Variants in CDH13 observed in about 807,000 individuals in gnomAD.
The protein encoded by CDH13 is cadherin 13.
In CDH13, 24 loss-of-function variants were observed where a neutral mutation model predicts 63.8. That is an observed-to-expected ratio of 0.38 (90% CI 0.27 to 0.53). The LOEUF (loss-of-function observed/expected upper bound fraction) is 0.53, where lower values mean the gene tolerates loss of function less well. Among genes scored for constraint, CDH13 ranks in the 20% least tolerant of loss-of-function variants. CDH13 has a pLI of 0.85. For synonymous variants in CDH13, 503 were observed against 355.3 expected, an observed-to-expected ratio of 1.42 and a Z score of -4.67; for missense variants, 1,049 against 903.1, an observed-to-expected ratio of 1.16 and a Z score of -2.07.
intron 2 of CDH13, among the ~76,000 whole-genome samples, chr16:82,913,449 C>A (rs1268571109): frequency 1.3e-5 from 2 of 152,236 alleles, no homozygotes; most frequent in East Asian, 3.9e-4. Context: ...CTCCTCCTTA[C>A]CCTGGACTGT....
intron 5 of CDH13, among the ~76,000 whole-genome samples, chr16:83,288,510 G>A (rs1054378425): frequency 6.6e-6 from 1 of 152,176 alleles, no homozygotes; most frequent in Admixed American, 6.5e-5. Context: ...GGCAGAGACA[G>A]GGTGGCAGCT....
intron 5 of CDH13, among the ~76,000 whole-genome samples, chr16:83,343,663 G>A (rs1321319227): frequency 6.6e-6 from 1 of 152,104 alleles, no homozygotes; most frequent in Non-Finnish European, 1.5e-5. Flanking sequence ...CAATAGTATT[G>A]ATAATAACTG....
At chr16:82,973,273 G>T (rs1413272193) in intron 2 of CDH13, among the ~76,000 whole-genome samples, 1 of 152,196 alleles carries the variant, frequency 6.6e-6, no homozygotes, top group African/African-American at 2.4e-5. Flanking sequence ...CAGACGGTCT[G>T]CATCCCTCCT....
At chr16:83,552,475 C>T (rs970230163) in intron 7 of CDH13, among the ~76,000 whole-genome samples, 7 of 152,174 alleles carry the variant, frequency 4.6e-5, no homozygotes, top group Admixed American at 2.0e-4. Context: ...CATGGCCCTC[C>T]GTCTCCTAGT....
At chr16:83,751,692 C>T (rs1197688286) in intron 11 of CDH13, among the ~76,000 whole-genome samples, 2 of 152,130 alleles carry the variant, frequency 1.3e-5, no homozygotes, top group African/African-American at 2.4e-5. Context: ...ATAACATAAA[C>T]GGACCAGAGG....
chr16:83,032,198 G>A lies in CDH13; in HGVS notation c.346G>A (p.Asp116Asn), dbSNP rs756966285. Residue 116 changes from aspartate (D) to asparagine (N), a missense_variant, in exon 3 of 14, where the codon GAC becomes AAC. Coordinates refer to ENST00000567109, the MANE Select transcript of CDH13 (RefSeq NM_001257.5). ...AGAACTCGTGATTGTCGGGGGGAAAGACATCCAGGGCTCCTTGCAGGTAAC... is the reference window on the plus strand; with the variant it reads ...AGAACTCGTGATTGTCGGGGGGAAAAACATCCAGGGCTCCTTGCAGGTAAC... ...MAELVIVGGK[D>N]IQGSLQDIFK... 6.2e-7 allele frequency: 1 copy of A among 1,613,486 alleles called. No homozygotes were observed. Among genetic ancestry groups the A allele is most frequent in the South Asian group, 1.1e-5 (1 of 91,048 alleles).
chr16:83,787,308 T>C (rs1176865597), intron 13 of CDH13, among the ~76,000 whole-genome samples: 3 of 152,196 alleles, frequency 2.0e-5, no homozygotes, highest in African/African-American at 7.2e-5. Context: ...CTTTATTGTT[T>C]GTTTGTTTGT....
intron 5 of CDH13, among the ~76,000 whole-genome samples, chr16:83,317,079 A>G (rs368238650): frequency 6.6e-6 from 1 of 152,230 alleles, no homozygotes; most frequent in Non-Finnish European, 1.5e-5. Context: ...AGATGTTGCT[A>G]TTGGTATCCC....
chr16:83,605,016 A>C (rs1479881920), intron 8 of CDH13, among the ~76,000 whole-genome samples: 1 of 152,268 alleles, frequency 6.6e-6, no homozygotes, highest in Non-Finnish European at 1.5e-5. Flanking sequence ...TGATTTCAAA[A>C]TATCATATTG....
chr16:83,793,495 A>G lies in CDH13; in HGVS notation c.2135-1528A>G, dbSNP rs549236070. Among the ~76,000 whole-genome samples the G allele has an allele frequency of 2.6e-5, 4 of 152,262 alleles. No homozygotes were observed. The South Asian group carries it at 8.3e-4, about 32-fold the overall frequency. On this transcript the variant is annotated intron_variant, in intron 13 of 13. Coordinates refer to ENST00000567109, the MANE Select transcript of CDH13 (RefSeq NM_001257.5). ...CACTATGCTGATGTCTCTTTCTGTGAAGTTTTCTACATGAGTGACGTTCTC... is the reference window on the plus strand; with the variant it reads ...CACTATGCTGATGTCTCTTTCTGTGGAGTTTTCTACATGAGTGACGTTCTC...
intron 1 of CDH13, among the ~76,000 whole-genome samples, chr16:82,810,157 C>G (rs937102930): frequency 3.3e-5 from 5 of 152,202 alleles, no homozygotes; most frequent in African/African-American, 1.2e-4. Context: ...TGCCTACTTT[C>G]TAAATGAGAT....
chr16:82,685,811 C>A (rs548519689), intron 1 of CDH13, among the ~76,000 whole-genome samples: 8 of 152,308 alleles, frequency 5.3e-5, no homozygotes, highest in African/African-American at 1.7e-4. Context: ...GAATGTTCCA[C>A]TCTGCTTAGA....
intron 5 of CDH13, among the ~76,000 whole-genome samples, chr16:83,305,433 G>A (rs546832320): frequency 1.1e-4 from 16 of 152,274 alleles, no homozygotes; most frequent in Admixed American, 8.5e-4. Context: ...TAATCTACCC[G>A]TGTAGCCAGT....
intron 3 of CDH13, 111 bp downstream of exon 3, chr16:83,032,329 ATTG>A (rs1916441771): frequency 6.2e-6 from 5 of 806,912 alleles, no homozygotes; most frequent in African/African-American, 3.5e-5. Flanking sequence ...TCCTTTTGTT[ATTG>A]TTGTTGCAAA....
chr16:83,007,265 A>T (rs1395785045), intron 2 of CDH13, among the ~76,000 whole-genome samples: 3 of 152,198 alleles, frequency 2.0e-5, no homozygotes, highest in Non-Finnish European at 4.4e-5. Flanking sequence ...GTTCATTGAC[A>T]CATTACTCTG....
chr16:82,730,832 T>C (rs2033361969), intron 1 of CDH13, among the ~76,000 whole-genome samples: 1 of 152,184 alleles, frequency 6.6e-6, no homozygotes, highest in Non-Finnish European at 1.5e-5. Context: ...CCCAGATTTG[T>C]TACATTTTCA....
intron 3 of CDH13, among the ~76,000 whole-genome samples, chr16:83,107,951 A>G (rs961273367): frequency 6.6e-6 from 1 of 151,676 alleles, no homozygotes; most frequent in Non-Finnish European, 1.5e-5. Flanking sequence ...CCCGATTAGC[A>G]GGAATTACAG....
At chr16:83,462,716 A>ACT (rs2073211975) in intron 6 of CDH13, among the ~76,000 whole-genome samples, 1 of 152,240 alleles carries the variant, frequency 6.6e-6, no homozygotes, top group South Asian at 2.1e-4. Context: ...AGATCATGCC[A>ACT]CTGCACTCCA....
At chr16:83,348,295 T>C (rs1167374643) in intron 6 of CDH13, among the ~76,000 whole-genome samples, 1 of 152,218 alleles carries the variant, frequency 6.6e-6, no homozygotes, top group Non-Finnish European at 1.5e-5. Context: ...GAAGTATTTG[T>C]GCAGTTCTAT....
Sources: allele counts gnomAD v4.1 joint callset (sites outside exome capture counted in the v4.1 genomes callset), GRCh38; gene constraint gnomAD v4.1.1; transcripts MANE v1.5; gene names NCBI Gene and HGNC (gene_info 2026-07-23, HGNC 2026-07-21).